Variants in RGP1 observed in about 807,000 individuals in gnomAD.
RGP1 encodes the protein RGP1 partner of RAB6A GEF complex, also known as RAB6A-GEF complex partner protein 2.
A neutral mutation model predicts 44.5 loss-of-function variants in RGP1; 28 were observed. That is an observed-to-expected ratio of 0.63 (90% CI 0.47 to 0.86). RGP1 has a LOEUF of 0.86. RGP1 is among the 40% of genes least tolerant of loss of function. The pLI, the probability that RGP1 is intolerant of heterozygous loss-of-function variation, is 0.00. For synonymous variants in RGP1, 212 were observed against 196.7 expected (o/e 1.08, Z -0.65); for missense variants, 417 against 490.7 (o/e 0.85, Z 1.42).
chr9:35,786,911 T>C, the RGP1 span: 13 of 150,598 alleles, frequency 8.6e-5, 1 homozygote, highest in Admixed American at 5.3e-4. Flanking sequence ...CTGGCAAACA[T>C]GGTGAAACCC....
At chr9:35,777,548 G>A in the RGP1 span, among the ~76,000 whole-genome samples, 1 of 151,280 alleles carries the variant, frequency 6.6e-6, no homozygotes, top group Admixed American at 6.6e-5. Context: ...TCAAACTTTG[G>A]CCTCAAATGA....
chr9:35,759,317 C>G, downstream of RGP1, among the ~76,000 whole-genome samples: 1 of 152,082 alleles, frequency 6.6e-6, no homozygotes, highest in Non-Finnish European at 1.5e-5. Flanking sequence ...GTAATCCCAA[C>G]ATTTGGGGAG....
chr9:35,771,596 G>C, the RGP1 span, among the ~76,000 whole-genome samples: 1 of 152,182 alleles, frequency 6.6e-6, no homozygotes, highest in African/African-American at 2.4e-5. Context: ...TAAGTGGTGG[G>C]TTGTAATTTC....
rs1194918870 is a variant in RGP1 at position 35,754,166 on chromosome 9, C to T, written c.*1292C>T. On this transcript the variant is annotated 3_prime_UTR_variant, in exon 9 of 9. Transcript: ENST00000378078. ...AGCCCTCTCAGACCCTTCTTGGCCT[C>T]TGCTCAGCTACTCTGGTCTTGACTC... 2.5e-6 allele frequency: 4 copies of T among 1,591,888 alleles called. No homozygotes were observed. Among genetic ancestry groups the T allele is most frequent in the Admixed American group, 1.8e-5 (1 of 56,912 alleles).
At chr9:35,766,075 C>T in the RGP1 span, among the ~76,000 whole-genome samples, 1 of 150,410 alleles carries the variant, frequency 6.6e-6, no homozygotes. Context: ...TGTGATCTGC[C>T]CACCTCGGCC....
chr9:35,777,704 T>A, the RGP1 span, among the ~76,000 whole-genome samples: 1 of 152,198 alleles, frequency 6.6e-6, no homozygotes, highest in Non-Finnish European at 1.5e-5. Context: ...TGTAATACTT[T>A]ATCTTTTGGT....
the RGP1 span, among the ~76,000 whole-genome samples, chr9:35,786,146 T>G: frequency 2.6e-5 from 4 of 152,224 alleles, no homozygotes; most frequent in African/African-American, 4.8e-5. Context: ...GACTAGTGCA[T>G]TTCCAGTCTC....
chr9:35,770,418 A>T, the RGP1 span, among the ~76,000 whole-genome samples: 1 of 151,444 alleles, frequency 6.6e-6, no homozygotes, highest in Non-Finnish European at 1.5e-5. Flanking sequence ...TTGAAAGCTG[A>T]TAGAAATGGA....
In RGP1 at chr9:35,750,363, C is replaced by A; in HGVS notation, c.237C>A (p.Val79=). Reference sequence around the variant, plus strand: ...ATGTCCAGCCCGACAGCCAGACTGTCTTTCTGCCACACCGAGGTTAGAGAG... The same window carrying A: ...ATGTCCAGCCCGACAGCCAGACTGTATTTCTGCCACACCGAGGTTAGAGAG... ...QPDVQPDSQT[V]FLPHRGERGQ... Residue 79 remains valine, a synonymous_variant, in exon 3 of 9, where the codon GTC becomes GTA. Transcript: ENST00000378078. 6.2e-7 allele frequency: 1 copy of A among 1,613,954 alleles called. No individual in the cohort carries two copies. Among genetic ancestry groups the A allele is most frequent in the South Asian group, 1.1e-5 (1 of 91,076 alleles).
chr9:35,774,463 C>T, the RGP1 span, among the ~76,000 whole-genome samples: 1 of 152,218 alleles, frequency 6.6e-6, no homozygotes, highest in East Asian at 1.9e-4. Flanking sequence ...CGCGGTGGCT[C>T]ACGCCTGTAA....
rs1563973450 is a variant in RGP1, at chr9:35,751,241, A to T, written c.488-25A>T. On this transcript the variant is annotated intron_variant, in intron 5 of 8. Coordinates refer to ENST00000378078, the MANE Select transcript of RGP1 (RefSeq NM_001080496.3). The stretch of plus-strand genomic sequence containing the variant: ...CTCATCTCCGTTCCCTCTCAGCATT[A>T]CCTCTCCACTCATTCTTTCTCTAGG... The T allele has an allele frequency of 5.0e-6, 8 of 1,612,770 alleles. No homozygotes were observed. The South Asian group carries it at 5.5e-5, about 11-fold the overall frequency.
At chr9:35,778,115 C>A in the RGP1 span, among the ~76,000 whole-genome samples, 1 of 152,214 alleles carries the variant, frequency 6.6e-6, no homozygotes, top group East Asian at 1.9e-4. Context: ...GCCTGATCAA[C>A]ATGGAGAAAC....
downstream of RGP1, among the ~76,000 whole-genome samples, chr9:35,762,269 A>G (rs1471513232): frequency 6.6e-6 from 1 of 152,214 alleles, no homozygotes; most frequent in Non-Finnish European, 1.5e-5. Flanking sequence ...TGAAGGAGCA[A>G]TTAGATTTAC....
the RGP1 span, among the ~76,000 whole-genome samples, chr9:35,774,919 T>G: frequency 1.3e-5 from 2 of 152,152 alleles, no homozygotes; most frequent in Non-Finnish European, 2.9e-5. Context: ...CCTTGTCTTT[T>G]TCAGCAGCCT....
chr9:35,782,657 G>A, the RGP1 span, among the ~76,000 whole-genome samples: 4 of 152,060 alleles, frequency 2.6e-5, no homozygotes, highest in Admixed American at 2.6e-4. Flanking sequence ...TGTTGGTCAG[G>A]CTGGTCTCAA....
At chr9:35,758,785 C>T (rs943919075), downstream of RGP1, among the ~76,000 whole-genome samples, 7 of 152,044 alleles carry the variant, frequency 4.6e-5, no homozygotes, top group African/African-American at 1.7e-4. Context: ...TCTTTGCCAA[C>T]ATACACCACT....
In RGP1 at chr9:35,753,935, A is replaced by G; in HGVS notation, c.*1061A>G. 6.4e-7 allele frequency: 1 copy of G among 1,572,152 alleles called. No homozygotes were observed. On this transcript the variant is annotated 3_prime_UTR_variant, in exon 9 of 9. Transcript: ENST00000378078. This position sits in a 1 kb window ranked among gnomAD's most constrained non-coding sequence, Gnocchi z 4.2. ...GGTATTTTGACACGGGATCATCTGT[A>G]AGGCCCCATCCTCCCTGTGCCCTCT...
rs1827308277 is a variant in RGP1, at chr9:35,753,546, C to T, written c.*672C>T. ...AGTGTTGGTCCCTTCAGGTTTGGCCCATCTTGTATTGCTCTTCTGTTCATT... is the reference window on the plus strand; with the variant it reads ...AGTGTTGGTCCCTTCAGGTTTGGCCTATCTTGTATTGCTCTTCTGTTCATT... On this transcript the variant is annotated 3_prime_UTR_variant, in exon 9 of 9. Coordinates refer to ENST00000378078, the MANE Select transcript of RGP1 (RefSeq NM_001080496.3). The surrounding 1 kb of genome is among the most constrained non-coding windows in gnomAD (Gnocchi z 4.2). 1 of 945,188 alleles carries T rather than the reference C, an allele frequency of 1.1e-6. No homozygotes were observed. Among genetic ancestry groups the T allele is most frequent in the African/African-American group, 1.6e-5 (1 of 61,070 alleles). The allele number at this position is 945,188 out of a possible 1,614,324, so 58.6% of individuals were successfully genotyped here. A position where few individuals can be genotyped will look rare whatever the true frequency, so the allele number is the denominator to read the frequency against.
the RGP1 span, among the ~76,000 whole-genome samples, chr9:35,770,961 A>C: frequency 6.6e-6 from 1 of 152,226 alleles, no homozygotes; most frequent in Non-Finnish European, 1.5e-5. Context: ...GTAAACCTTT[A>C]ACCTGGTGAG....
Sources: allele counts gnomAD v4.1 joint callset (sites outside exome capture counted in the v4.1 genomes callset), GRCh38; gene constraint gnomAD v4.1.1; non-coding constraint Gnocchi (gnomAD v3.1); transcripts MANE v1.5; gene names NCBI Gene and HGNC (gene_info 2026-07-23, HGNC 2026-07-21).